TRMT9B: variants seen among roughly 807,000 people sequenced by gnomAD.
TRMT9B encodes the protein tRNA methyltransferase 9B (putative).
TRMT9B carries 16 observed loss-of-function variants against 11.5 expected under a neutral mutation model. The observed-to-expected ratio is 1.39, with a 90% confidence interval of 0.94 to 2.11. The LOEUF is 2.11. Among genes scored for constraint, TRMT9B ranks in the 30% most tolerant of loss-of-function variants. The pLI is 0.00. For missense variants in TRMT9B, 941 were observed against 553.8 expected, an observed-to-expected ratio of 1.70 and a Z score of -7.02; for synonymous variants, 274 against 192.4, an observed-to-expected ratio of 1.42 and a Z score of -3.51.
At position 12,962,372 on chromosome 8, in the gene TRMT9B, G is replaced by A. The variant is rs542002175; in HGVS notation, c.-200+16406G>A. 2.0e-5 allele frequency among the ~76,000 whole-genome samples: 3 copies of A among 152,204 alleles called. No individual in the cohort carries two copies. In the South Asian group the frequency reaches 6.2e-4, roughly 32 times the overall value. ...CAAAATAATTTATGATCTCTTGTCT[G>A]ATAGTTTGTCTACTTGTTAAAATGT... On this transcript the variant is annotated intron_variant, in intron 1 of 4. Transcript: ENST00000524591.
chr8:13,002,909 A>T (rs1270255689), intron 2 of TRMT9B, among the ~76,000 whole-genome samples: 1 of 152,148 alleles, frequency 6.6e-6, no homozygotes, highest in African/African-American at 2.4e-5. Context: ...CCCATCTGCC[A>T]GTTTGCAGGT....
At chr8:12,980,632 G>T (rs973845693) in intron 1 of TRMT9B, among the ~76,000 whole-genome samples, 1 of 152,130 alleles carries the variant, frequency 6.6e-6, no homozygotes, top group Non-Finnish European at 1.5e-5. Flanking sequence ...CACAGCACTA[G>T]TGCCAAAGCC....
intron 3 of TRMT9B, chr8:13,011,286 C>G: frequency 5.1e-6 from 5 of 985,140 alleles, no homozygotes; most frequent in Non-Finnish European, 3.6e-6. Context: ...GCGCCAGACC[C>G]CAAATTTTAT....
In TRMT9B at chr8:12,966,832, C is replaced by T. The variant is rs966877636; in HGVS notation, c.-200+20866C>T. Among the ~76,000 whole-genome samples the T allele has an allele frequency of 7.8e-4, 118 of 152,122 alleles. 1 individual carries two copies. Among genetic ancestry groups the T allele is most frequent in the African/African-American group, 2.8e-3 (115 of 41,432 alleles). On this transcript the variant is annotated intron_variant, in intron 1 of 4. Transcript: ENST00000524591. Reference sequence around the variant, plus strand: ...GTAGGGTTTGTTGAGGAGCTGGGTGCAGTGGGGAAGTCTGCAGGCCTTGTT... The same window carrying T: ...GTAGGGTTTGTTGAGGAGCTGGGTGTAGTGGGGAAGTCTGCAGGCCTTGTT...
chr8:13,018,740 C>G (rs1246531638), intron 4 of TRMT9B, among the ~76,000 whole-genome samples: 1 of 152,078 alleles, frequency 6.6e-6, no homozygotes, highest in East Asian at 1.9e-4. Flanking sequence ...CAGTTTATTT[C>G]ATTTTAAACT....
intron 1 of TRMT9B, among the ~76,000 whole-genome samples, chr8:12,985,140 G>T (rs150672727): frequency 6.6e-6 from 1 of 152,140 alleles, no homozygotes; most frequent in Non-Finnish European, 1.5e-5. Context: ...GGGAGTATTT[G>T]ATCTCTTTCC....
At chr8:12,957,690 T>A (rs941621443) in intron 1 of TRMT9B, among the ~76,000 whole-genome samples, 28 of 152,220 alleles carry the variant, frequency 1.8e-4, no homozygotes, top group Admixed American at 9.2e-4. Context: ...CAGGACTTAA[T>A]GGTCACTCAA....
chr8:13,004,974 G>C (rs1810165734), intron 2 of TRMT9B, among the ~76,000 whole-genome samples: 1 of 151,392 alleles, frequency 6.6e-6, no homozygotes, highest in African/African-American at 2.4e-5. Flanking sequence ...CTGGCTCCCA[G>C]ACAGCACCTC....
At chr8:12,968,952 C>G (rs1803200217) in intron 1 of TRMT9B, among the ~76,000 whole-genome samples, 1 of 152,230 alleles carries the variant, frequency 6.6e-6, no homozygotes. Flanking sequence ...TGGCTCATGC[C>G]TGTAATCCCA....
chr8:12,986,410 T>C (rs934936374), intron 1 of TRMT9B, among the ~76,000 whole-genome samples: 3 of 152,176 alleles, frequency 2.0e-5, no homozygotes, highest in African/African-American at 4.8e-5. Context: ...TAAGACATAT[T>C]GTCCCTGTCT....
chr8:13,009,243 G>T lies in TRMT9B; in HGVS notation c.154+2887G>T, dbSNP rs188763653. Among the ~76,000 whole-genome samples, 209 of 152,206 alleles carry T rather than the reference G, an allele frequency of 1.4e-3. 1 individual carries two copies. The highest frequency in any genetic ancestry group is 4.3e-3 in the African/African-American group (180 of 41,536). On this transcript the variant is annotated intron_variant, in intron 3 of 4. Coordinates refer to ENST00000524591, the MANE Select transcript of TRMT9B (RefSeq NM_020844.3). The stretch of plus-strand genomic sequence containing the variant: ...GAGATTAAAATGGTGGTTACCTGGG[G>T]CTGGGGTGTCGAAGCGGGTGGGGTA...
At position 13,021,889 on chromosome 8, in the gene TRMT9B, G is replaced by T; in HGVS notation, c.1210G>T (p.Asp404Tyr). The change falls in exon 5 of 5, where the codon GAC becomes TAC. Residue 404 changes from aspartate to tyrosine, a missense_variant. Coordinates refer to ENST00000524591, the MANE Select transcript of TRMT9B (RefSeq NM_020844.3). ...CGAAGATCCACAGACTGATGTTTTGGACTCCACAGCCTTTATGCGCTACTA... is the reference window on the plus strand; with the variant it reads ...CGAAGATCCACAGACTGATGTTTTGTACTCCACAGCCTTTATGCGCTACTA... ...SVEDPQTDVL[D>Y]STAFMRYYHV... 1 of 1,613,804 alleles carries T rather than the reference G, an allele frequency of 6.2e-7. No individual in the cohort carries two copies. Among genetic ancestry groups the T allele is most frequent in the Non-Finnish European group, 8.5e-7 (1 of 1,179,890 alleles).
At chr8:12,952,667 T>C in intron 1 of TRMT9B, 1 of 984,552 alleles carries the variant, frequency 1.0e-6, no homozygotes, top group Non-Finnish European at 1.2e-6. Flanking sequence ...AAGCTCACGA[T>C]GAAAATACAG....
intron 1 of TRMT9B, among the ~76,000 whole-genome samples, chr8:12,967,785 T>C (rs1803025900): frequency 6.6e-6 from 1 of 152,256 alleles, no homozygotes; most frequent in South Asian, 2.1e-4. Flanking sequence ...GGGACAAAGC[T>C]TAACAAATGG....
chr8:13,024,369 C>G lies in TRMT9B; in HGVS notation c.*2325C>G, dbSNP rs1814430324. The G allele has an allele frequency of 6.0e-6, 1 of 167,016 alleles. No individual in the cohort carries two copies. Among genetic ancestry groups the G allele is most frequent in the African/African-American group, 2.4e-5 (1 of 41,452 alleles). 10.3% of individuals were successfully genotyped at this position (167,016 alleles called of 1,614,324 possible). On this transcript the variant is annotated 3_prime_UTR_variant, in exon 5 of 5. Transcript: ENST00000524591. ...GTTCCTTTTATTTCTTAATTCAGGA[C>G]ACTAAACCATGACTGCAAGGGATTT...
intron 3 of TRMT9B, chr8:13,010,746 G>T (rs891665992): frequency 1.0e-6 from 1 of 984,322 alleles, no homozygotes; most frequent in Admixed American, 6.2e-5. Flanking sequence ...TCGAGCCAAT[G>T]AAAAAGCAAA....
intron 1 of TRMT9B, among the ~76,000 whole-genome samples, chr8:12,953,434 C>A (rs1800902364): frequency 6.6e-6 from 1 of 152,130 alleles, no homozygotes; most frequent in African/African-American, 2.4e-5. Flanking sequence ...AATACAACTT[C>A]CGTCTCCCGA....
chr8:12,983,785 C>G (rs1805806329), intron 1 of TRMT9B, among the ~76,000 whole-genome samples: 2 of 152,132 alleles, frequency 1.3e-5, no homozygotes, highest in Admixed American at 1.3e-4. Context: ...AAATAAAATA[C>G]AGGGTACAGT....
In TRMT9B at chr8:13,028,254, T is replaced by A. The variant is rs1002147015; in HGVS notation, c.*6210T>A. On this transcript the variant is annotated 3_prime_UTR_variant, in exon 5 of 5. Coordinates refer to ENST00000524591, the MANE Select transcript of TRMT9B (RefSeq NM_020844.3). ...GGGAGGGATTGGAGCTATAGAATAA[T>A]CTATCTTACCAATCTGATGGACCAT... is the stretch of plus-strand genomic sequence containing the variant. The A allele has an allele frequency of 5.4e-5, 9 of 167,076 alleles. No homozygotes were observed. Among genetic ancestry groups the A allele is most frequent in the African/African-American group, 1.9e-4 (8 of 41,456 alleles). 10.3% of individuals were successfully genotyped at this position (167,076 alleles called of 1,614,324 possible).
Sources: gnomAD v4.1 joint callset for allele counts (sites outside exome capture counted in the v4.1 genomes callset) on GRCh38, gnomAD v4.1.1 for gene constraint, MANE v1.5 for transcripts, NCBI Gene and HGNC (gene_info 2026-07-23, HGNC 2026-07-21) for gene names.